The following INPP4B variants were observed in gnomAD, a reference collection of about 807,000 sequenced individuals.
INPP4B encodes the protein inositol polyphosphate-4-phosphatase type II B.
INPP4B carries 55 observed loss-of-function variants against 122.5 expected under a neutral mutation model. That is an observed-to-expected ratio of 0.45 (90% CI 0.36 to 0.56). INPP4B has a LOEUF of 0.56. Among genes scored for constraint, INPP4B ranks in the 20% least tolerant of loss-of-function variants. The pLI, the probability that INPP4B is intolerant of heterozygous loss-of-function variation, is 0.00. For synonymous variants in INPP4B, 403 were observed against 388.7 expected, an observed-to-expected ratio of 1.04 and a Z score of -0.43; for missense variants, 1,000 against 1,097.7, an observed-to-expected ratio of 0.91 and a Z score of 1.26.
chr4:142,617,340 G>A (rs143459930), intron 2 of INPP4B, among the ~76,000 whole-genome samples: 14 of 152,076 alleles, frequency 9.2e-5, no homozygotes, highest in African/African-American at 3.1e-4. Context: ...ACATACATTC[G>A]CTCCAACTCA....
chr4:142,732,250 CATCTACTCACATGCTG>C (rs1275280866), intron 1 of INPP4B, among the ~76,000 whole-genome samples: 2 of 152,110 alleles, frequency 1.3e-5, no homozygotes, highest in East Asian at 3.9e-4. Flanking sequence ...GTTTATCTAG[CATCTACTCACATGCTG>C]ATGAACTATC....
At chr4:142,801,090 T>TG (rs1042807642) in intron 1 of INPP4B, among the ~76,000 whole-genome samples, 3 of 149,812 alleles carry the variant, frequency 2.0e-5, no homozygotes, top group African/African-American at 7.4e-5. Context: ...ATTAAAGTAG[T>TG]GAAAAAAAAA....
intron 10 of INPP4B, among the ~76,000 whole-genome samples, chr4:142,267,608 A>G (rs574746926): frequency 6.6e-6 from 1 of 152,332 alleles, no homozygotes; most frequent in South Asian, 2.1e-4. Context: ...CCCTAAAACT[A>G]TAAAAGTACT....
rs1768204425 is a variant in INPP4B at position 142,317,563 on chromosome 4, T to G, written c.373-2801A>C. 2.3e-5 allele frequency: 5 copies of G among 219,572 alleles called. No homozygotes were observed. The Admixed American group carries it at 2.3e-4, about 10-fold the overall frequency. 13.6% of individuals were successfully genotyped at this position (219,572 alleles called of 1,614,324 possible). On this transcript the variant is annotated intron_variant, in intron 7 of 25. Coordinates refer to ENST00000262992, the MANE Select transcript of INPP4B (RefSeq NM_001101669.3). The stretch of plus-strand genomic sequence containing the variant: ...GTTGGCTGACACAAAGAATTTGTCC[T>G]GTATGGAAAATAGGAGACTTTGTAC...
chr4:142,086,353 A>G, intron 23 of INPP4B, 97 bp from the exon 24 acceptor site: 12 of 703,986 alleles, frequency 1.7e-5, no homozygotes, highest in Non-Finnish European at 2.9e-5. Flanking sequence ...TGCAAACACA[A>G]CTTTTCTTTT....
chr4:142,509,976 G>A (rs193028187), intron 2 of INPP4B, among the ~76,000 whole-genome samples: 1 of 152,092 alleles, frequency 6.6e-6, no homozygotes, highest in Non-Finnish European at 1.5e-5. Flanking sequence ...GAAATAAATG[G>A]CATCTAATTA....
At chr4:142,317,401 G>C in intron 7 of INPP4B, 1 of 312,112 alleles carries the variant, frequency 3.2e-6, no homozygotes. Context: ...ATGATGTTGG[G>C]AGATGTAGAA....
At chr4:142,100,137 A>G (rs1431507053) in intron 23 of INPP4B, among the ~76,000 whole-genome samples, 2 of 152,102 alleles carry the variant, frequency 1.3e-5, no homozygotes, top group Non-Finnish European at 2.9e-5. Context: ...TCATTTCTGT[A>G]TGTACCATTC....
chr4:142,736,219 T>C (rs1286109073), intron 1 of INPP4B, among the ~76,000 whole-genome samples: 1 of 152,144 alleles, frequency 6.6e-6, no homozygotes, highest in Non-Finnish European at 1.5e-5. Context: ...ATATTAAAGT[T>C]TCAGAAACTT....
At chr4:142,410,267 C>G (rs1804326872) in intron 5 of INPP4B, among the ~76,000 whole-genome samples, 1 of 152,170 alleles carries the variant, frequency 6.6e-6, no homozygotes, top group Admixed American at 6.5e-5. Flanking sequence ...GATGCCTGCC[C>G]CAGGCTTTCA....
At chr4:142,674,241 C>T (rs952001954) in intron 2 of INPP4B, among the ~76,000 whole-genome samples, 1 of 152,074 alleles carries the variant, frequency 6.6e-6, no homozygotes, top group East Asian at 1.9e-4. Context: ...TCCAAGAGTA[C>T]TTTCCAATAA....
intron 5 of INPP4B, among the ~76,000 whole-genome samples, chr4:142,411,644 C>T (rs1001579266): frequency 2.6e-5 from 4 of 152,184 alleles, no homozygotes; most frequent in Non-Finnish European, 4.4e-5. Context: ...GTAATCCCAG[C>T]ACTTTGGGAG....
Position 142,211,203 on chromosome 4 carries a change from A to G in INPP4B, c.837-2177T>C, listed in dbSNP as rs551407499. Among the ~76,000 whole-genome samples the G allele has an allele frequency of 3.9e-5, 6 of 152,318 alleles. No individual in the cohort carries two copies. In the South Asian group the frequency reaches 1.2e-3, roughly 32 times the overall value. ...CAGACACAGTAATGAAAACATTGCA[A>G]AACAAAATGGGGCAGAGTAAGAGAG... On this transcript the variant is annotated intron_variant, in intron 12 of 25. Transcript: ENST00000262992.
intron 1 of INPP4B, among the ~76,000 whole-genome samples, chr4:142,845,754 G>A (rs1462504182): frequency 1.3e-5 from 2 of 151,830 alleles, no homozygotes; most frequent in Non-Finnish European, 2.9e-5. Context: ...CGGCGGCGGC[G>A]GCAGCTTGCG....
chr4:142,160,663 A>G (rs1819664051), intron 16 of INPP4B, 102 bp from the exon 17 acceptor site: 7 of 767,152 alleles, frequency 9.1e-6, no homozygotes, highest in African/African-American at 1.7e-5. Flanking sequence ...AGTGGTGTGT[A>G]TGGTGGAAAA....
chr4:142,611,440 C>G (rs2150338952), intron 2 of INPP4B, among the ~76,000 whole-genome samples: 1 of 151,962 alleles, frequency 6.6e-6, no homozygotes, highest in Non-Finnish European at 1.5e-5. Flanking sequence ...GTTTTGTTAG[C>G]TTCAAGGAAA....
At chr4:142,652,360 G>C (rs1753154207) in intron 2 of INPP4B, among the ~76,000 whole-genome samples, 1 of 152,154 alleles carries the variant, frequency 6.6e-6, no homozygotes, top group African/African-American at 2.4e-5. Context: ...ACTGTTAGAA[G>C]TTCTGGCCAG....
chr4:142,808,111 C>A (rs1344754634), intron 1 of INPP4B, among the ~76,000 whole-genome samples: 3 of 151,876 alleles, frequency 2.0e-5, no homozygotes, highest in Non-Finnish European at 4.4e-5. Flanking sequence ...AATACACACA[C>A]ACACACACAC....
At chr4:142,311,452 G>T (rs1392469481) in intron 8 of INPP4B, among the ~76,000 whole-genome samples, 1 of 152,118 alleles carries the variant, frequency 6.6e-6, no homozygotes, top group Non-Finnish European at 1.5e-5. Context: ...TATTTCTGGT[G>T]GTTCTAATAA....
Sources: allele counts gnomAD v4.1 joint callset (sites outside exome capture counted in the v4.1 genomes callset), GRCh38; gene constraint gnomAD v4.1.1; transcripts MANE v1.5; gene names NCBI Gene and HGNC (gene_info 2026-07-23, HGNC 2026-07-21).